The following PCDHGA10 variants were observed in gnomAD, a reference collection of about 807,000 sequenced individuals.
PCDHGA10 encodes the protein protocadherin gamma subfamily A, 10.
Under a neutral mutation model 59.5 loss-of-function variants are expected in PCDHGA10, and 42 were observed. The ratio of observed to expected loss-of-function variants is 0.71; its 90% confidence interval spans 0.55 to 0.91. The LOEUF (loss-of-function observed/expected upper bound fraction) is 0.91. Ranked by LOEUF, PCDHGA10 falls within the 40% of genes least tolerant of loss-of-function variation. PCDHGA10 has a pLI of 0.00. For synonymous variants in PCDHGA10, 511 were observed against 517.2 expected, an observed-to-expected ratio of 0.99 and a Z score of 0.16; for missense variants, 1,111 against 1,198.2, an observed-to-expected ratio of 0.93 and a Z score of 1.07.
At chr5:141,417,304 AG>A (rs1315238937) in intron 1 of PCDHGA10, 1 of 152,318 alleles carries the variant, frequency 6.6e-6, no homozygotes, top group East Asian at 1.9e-4. Context: ...CTCTGGATGG[AG>A]GAATTGGATA....
intron 1 of PCDHGA10, among the ~76,000 whole-genome samples, chr5:141,445,007 G>A (rs771023003): frequency 1.5e-4 from 23 of 151,994 alleles, no homozygotes; most frequent in Non-Finnish European, 2.4e-4. Flanking sequence ...ATTTAATTAG[G>A]TCTTTAATTT....
chr5:141,472,079 G>T (rs2099271048), intron 1 of PCDHGA10, among the ~76,000 whole-genome samples: 1 of 152,124 alleles, frequency 6.6e-6, no homozygotes, highest in African/African-American at 2.4e-5. Flanking sequence ...TTATATCAAT[G>T]AGTACTATTA....
chr5:141,486,211 T>C lies in PCDHGA10; in HGVS notation c.2437-8596T>C, dbSNP rs779905477. On this transcript the variant is annotated intron_variant, in intron 1 of 3. Coordinates refer to ENST00000398610, the MANE Select transcript of PCDHGA10 (RefSeq NM_018913.3). The surrounding 1 kb of genome is among the most constrained non-coding windows in gnomAD (Gnocchi z 5.0). ...TGGATCTGCTGGACGTAAATGACAA[T>C]GCCCCTTACATCACAGTGACCTCAG... 6.2e-7 allele frequency: 1 copy of C among 1,614,142 alleles called. No homozygotes were observed. Among genetic ancestry groups the C allele is most frequent in the Non-Finnish European group, 8.5e-7 (1 of 1,180,024 alleles).
rs745950404 is a variant in PCDHGA10 at position 141,415,074 on chromosome 5, G to A, written c.1899G>A (p.Ala633=). Residue 633 remains alanine, a synonymous_variant, in exon 1 of 4, where the codon GCG becomes GCA. Transcript: ENST00000398610. The stretch of plus-strand genomic sequence containing the variant: ...AGCACACGGGCGAGGTGCGCACGGC[G>A]CGAGCCCTGCTGGACAGAGACGCGC... The part of the protein sequence containing the change: ...VGEHTGEVRT[A]RALLDRDALK... The A allele has an allele frequency of 2.5e-6, 4 of 1,613,448 alleles. No individual in the cohort carries two copies. Among genetic ancestry groups the A allele is most frequent in the East Asian group, 2.2e-5 (1 of 44,868 alleles).
At position 141,511,036 on chromosome 5, in the gene PCDHGA10, G is replaced by A. The variant is rs116366286; in HGVS notation, c.2674G>A (p.Val892Met). ...CGGACCCCAGTTCACCCTGCAGCAC[G>A]TGCCCGACTACCGCCAGAATGTCTA... is the stretch of plus-strand genomic sequence containing the variant. ...RYGPQFTLQH[V>M]PDYRQNVYIP... is the part of the protein sequence containing the mutation. Residue 892 changes from valine to methionine, a missense_variant, in exon 4 of 4, where the codon GTG becomes ATG. Physicochemically the swap from Val to Met is conservative, Grantham distance 21. Transcript: ENST00000398610. 5.5e-5 allele frequency: 89 copies of A among 1,614,198 alleles called. No individual in the cohort carries two copies. The highest frequency in any genetic ancestry group is 1.6e-4 in the Middle Eastern group (1 of 6,062).
In PCDHGA10 at chr5:141,413,880, T is replaced by G; in HGVS notation, c.705T>G (p.Thr235=). 1 of 1,613,420 alleles carries G rather than the reference T, an allele frequency of 6.2e-7. No homozygotes were observed. Among genetic ancestry groups the G allele is most frequent in the Non-Finnish European group, 8.5e-7 (1 of 1,179,870 alleles). Residue 235 remains threonine (T), a synonymous_variant, in exon 1 of 4, where the codon ACT becomes ACG. Transcript: ENST00000398610. ...LRSGTVLVSV[T]VFDANDNAPV... is the part of the protein sequence containing the mutation. ...CTGGCACTGTCCTTGTCAGTGTGAC[T>G]GTCTTCGATGCAAATGACAACGCGC...
At chr5:141,510,849 G>C (rs959784028) in intron 3 of PCDHGA10, 98 bp from the exon 4 acceptor site, 10 of 1,596,568 alleles carry the variant, frequency 6.3e-6, no homozygotes, top group Middle Eastern at 1.7e-4. Flanking sequence ...CAAGGCCCAG[G>C]GTGCTGTATA....
At chr5:141,449,106 T>A (rs2154562506) in intron 1 of PCDHGA10, among the ~76,000 whole-genome samples, 2 of 152,314 alleles carry the variant, frequency 1.3e-5, no homozygotes, top group East Asian at 3.9e-4. Context: ...ATGCAGTATA[T>A]CTTTGGGATG....
intron 1 of PCDHGA10, chr5:141,441,550 G>C (rs2098254247): frequency 5.4e-6 from 1 of 184,034 alleles, no homozygotes; most frequent in Non-Finnish European, 1.1e-5. Context: ...AGCCTCCATA[G>C]TGTGCAAGTA....
intron 1 of PCDHGA10, chr5:141,419,045 T>G (rs1473408777): frequency 6.2e-7 from 1 of 1,613,710 alleles, no homozygotes; most frequent in Non-Finnish European, 8.5e-7. Context: ...TAAGATTCAT[T>G]CTTCTTCTAA....
rs1485764871 is a variant in PCDHGA10, at chr5:141,486,709, C to A, written c.2437-8098C>A. On this transcript the variant is annotated intron_variant, in intron 1 of 3. Coordinates refer to ENST00000398610, the MANE Select transcript of PCDHGA10 (RefSeq NM_018913.3). The surrounding 1 kb of genome is among the most constrained non-coding windows in gnomAD (Gnocchi z 5.0). ...CTTCCTCTTTCATCTCTCTGAACCC[C>A]CAGACAGGAGCTGTTCATGCTACTC... 6.2e-7 allele frequency: 1 copy of A among 1,614,182 alleles called. No homozygotes were observed. Among genetic ancestry groups the A allele is most frequent in the Admixed American group, 1.7e-5 (1 of 60,022 alleles).
rs2099694919 is a variant in PCDHGA10, at chr5:141,490,016, C to T, written c.2437-4791C>T. The T allele has an allele frequency of 6.2e-7, 1 of 1,614,158 alleles. No individual in the cohort carries two copies. The highest frequency in any genetic ancestry group is 8.5e-7 in the Non-Finnish European group (1 of 1,180,060). On this transcript the variant is annotated intron_variant, in intron 1 of 3. Transcript: ENST00000398610. This position sits in a 1 kb window ranked among gnomAD's most constrained non-coding sequence, Gnocchi z 5.4. ...ATCCCAGAGAATGCACCCATTGGTACTCTGCTGCTCCGCCTCAATGCCACT... is the reference window on the plus strand; with the variant it reads ...ATCCCAGAGAATGCACCCATTGGTATTCTGCTGCTCCGCCTCAATGCCACT...
chr5:141,430,666 G>A (rs2097301396), intron 1 of PCDHGA10: 1 of 1,222,518 alleles, frequency 8.2e-7, no homozygotes, highest in Admixed American at 2.7e-5. Flanking sequence ...GAGGAGCTCT[G>A]ACTTCCCAAC....
intron 1 of PCDHGA10, among the ~76,000 whole-genome samples, chr5:141,481,593 G>A (rs575017133): frequency 1.3e-5 from 2 of 152,172 alleles, no homozygotes; most frequent in African/African-American, 2.4e-5. Context: ...TGAGGCCAGC[G>A]GATCACCTGA....
chr5:141,492,616 G>C (rs976681246), intron 1 of PCDHGA10, among the ~76,000 whole-genome samples: 2 of 152,252 alleles, frequency 1.3e-5, no homozygotes, highest in African/African-American at 4.8e-5. Context: ...CTAAGTGCCG[G>C]GCGGGCAGGA....
chr5:141,478,514 G>A, intron 1 of PCDHGA10: 2 of 1,611,534 alleles, frequency 1.2e-6, no homozygotes, highest in Non-Finnish European at 1.7e-6. Context: ...CTATAGGCAG[G>A]TGTTGGGTGC....
intron 1 of PCDHGA10, among the ~76,000 whole-genome samples, chr5:141,445,417 A>C (rs1483224509): frequency 6.6e-6 from 1 of 152,208 alleles, no homozygotes; most frequent in Non-Finnish European, 1.5e-5. Context: ...ACTGTCTGCT[A>C]TATGCAAGGC....
chr5:141,438,638 A>G (rs1192725978), intron 1 of PCDHGA10, among the ~76,000 whole-genome samples: 1 of 22,806 alleles, frequency 4.4e-5, no homozygotes, highest in East Asian at 1.6e-3. Flanking sequence ...ATATATATAC[A>G]CACACACACA....
intron 1 of PCDHGA10, among the ~76,000 whole-genome samples, chr5:141,488,118 A>G (rs1054356891): frequency 2.7e-4 from 41 of 152,190 alleles, no homozygotes; most frequent in Non-Finnish European, 2.9e-5. Context: ...AAACATAGAG[A>G]CAGCAGAAAG....
Sources: allele counts gnomAD v4.1 joint callset (sites outside exome capture counted in the v4.1 genomes callset), GRCh38; gene constraint gnomAD v4.1.1; non-coding constraint Gnocchi (gnomAD v3.1); transcripts MANE v1.5; gene names NCBI Gene and HGNC (gene_info 2026-07-23, HGNC 2026-07-21).